CTNNA2: variants seen among roughly 807,000 people sequenced by gnomAD.
The protein encoded by CTNNA2 is catenin alpha-2.
A neutral mutation model predicts 101.0 loss-of-function variants in CTNNA2; 42 were observed. The observed-to-expected ratio is 0.42, with a 90% CI of 0.32 to 0.54. The LOEUF is 0.54. Among genes scored for constraint, CTNNA2 ranks in the 20% least tolerant of loss-of-function variants. CTNNA2 has a pLI of 0.14. For synonymous variants in CTNNA2, 450 were observed against 456.4 expected, an observed-to-expected ratio of 0.99 and a Z score of 0.18; for missense variants, 871 against 1,223.1, an observed-to-expected ratio of 0.71 and a Z score of 4.29.
chr2:79,586,684 A>G (rs981244148), intron 1 of CTNNA2, among the ~76,000 whole-genome samples: 5 of 151,960 alleles, frequency 3.3e-5, no homozygotes, highest in Non-Finnish European at 1.5e-5. Context: ...TTAAAATTTT[A>G]TTTCAACAGT....
chr2:79,916,008 C>T (rs1263105292), intron 7 of CTNNA2, among the ~76,000 whole-genome samples: 1 of 152,136 alleles, frequency 6.6e-6, no homozygotes, highest in Non-Finnish European at 1.5e-5. Flanking sequence ...CTGAGTAGCT[C>T]TTATTACTTA....
intron 8 of CTNNA2, among the ~76,000 whole-genome samples, chr2:80,398,582 TG>T (rs1194535804): frequency 8.6e-5 from 13 of 151,650 alleles, no homozygotes; most frequent in Admixed American, 8.6e-4. Context: ...AGGCTGGGCA[TG>T]GTGGCTCATG....
chr2:79,501,130 G>A (rs554070559), intron 4 of CTNNA2, among the ~76,000 whole-genome samples: 12 of 152,258 alleles, frequency 7.9e-5, no homozygotes, highest in Non-Finnish European at 1.3e-4. Context: ...ATTCAGTGAT[G>A]TGATTCTTGG....
intron 2 of CTNNA2, among the ~76,000 whole-genome samples, chr2:79,685,994 G>A (rs182183678): frequency 1.2e-4 from 18 of 152,180 alleles, no homozygotes; most frequent in African/African-American, 3.9e-4. Flanking sequence ...AAGATGAGAG[G>A]AGCTTTCCTA....
intron 7 of CTNNA2, among the ~76,000 whole-genome samples, chr2:80,344,641 C>T (rs1024692954): frequency 2.0e-5 from 3 of 152,234 alleles, no homozygotes; most frequent in South Asian, 2.1e-4. Context: ...TGCGCCACCA[C>T]GCCCAGCTAT....
In CTNNA2 at chr2:80,312,126, T is replaced by C. The variant is rs112258811; in HGVS notation, c.1057-81085T>C. On this transcript the variant is annotated intron_variant, in intron 7 of 18. Transcript: ENST00000402739. ...CAAAGAAATAGCATTCGAACATAAA[T>C]TTGATTCTCTCAGCAAGGCAGTTTT... Among the ~76,000 whole-genome samples, 173 of 152,320 alleles carry C rather than the reference T, an allele frequency of 1.1e-3. 1 individual carries two copies. The highest frequency in any genetic ancestry group is 3.9e-3 in the African/African-American group (164 of 41,578).
intron 9 of CTNNA2, among the ~76,000 whole-genome samples, chr2:80,530,133 G>T (rs1690405861): frequency 1.3e-5 from 2 of 152,108 alleles, no homozygotes; most frequent in South Asian, 2.1e-4. Flanking sequence ...AGGCAGCAGT[G>T]GTTACTCGAA....
intron 4 of CTNNA2, among the ~76,000 whole-genome samples, chr2:79,868,002 CGAGATTCTCTTTAAACTATAACAATG>C (rs1421543289): frequency 6.6e-6 from 1 of 152,104 alleles, no homozygotes; most frequent in Non-Finnish European, 1.5e-5. Context: ...ATCTGAGGTA[CGAGATTCTCTTTAAACTATAACAATG>C]TTTTAAAAGT....
At chr2:79,365,980 A>G (rs2104450919) in intron 3 of CTNNA2, among the ~76,000 whole-genome samples, 1 of 152,326 alleles carries the variant, frequency 6.6e-6, no homozygotes, top group East Asian at 1.9e-4. Flanking sequence ...GTTAATGTTC[A>G]GTTCATCCAC....
intron 7 of CTNNA2, among the ~76,000 whole-genome samples, chr2:80,247,149 T>C (rs1311365350): frequency 6.6e-6 from 1 of 152,116 alleles, no homozygotes; most frequent in African/African-American, 2.4e-5. Flanking sequence ...AGCTTTAAGA[T>C]CTTGATGACA....
intron 7 of CTNNA2, among the ~76,000 whole-genome samples, chr2:80,267,614 A>G (rs528318573): frequency 1.3e-5 from 2 of 152,308 alleles, no homozygotes; most frequent in East Asian, 3.9e-4. Context: ...ACAAGCTGGG[A>G]AGGAGACGAT....
rs1573816261 is a variant in CTNNA2, at chr2:79,731,518, C to T, written c.103-12869C>T. Among the ~76,000 whole-genome samples, 3 of 152,058 alleles carry T rather than the reference C, an allele frequency of 2.0e-5. No homozygotes were observed. In the South Asian group the frequency reaches 6.2e-4, roughly 32 times the overall value. On this transcript the variant is annotated intron_variant, in intron 2 of 18. Transcript: ENST00000402739. ...AAGGAGATGTGATAGCTTGTGGCTACCCACCAGAACTATTTGTGCTAGAGA... is the reference window on the plus strand; with the variant it reads ...AAGGAGATGTGATAGCTTGTGGCTATCCACCAGAACTATTTGTGCTAGAGA...
At chr2:79,849,772 G>T (rs1680523094) in intron 3 of CTNNA2, among the ~76,000 whole-genome samples, 1 of 152,116 alleles carries the variant, frequency 6.6e-6, no homozygotes, top group Non-Finnish European at 1.5e-5. Flanking sequence ...GTTCAAACAT[G>T]AAAAAGAAGA....
chr2:79,673,480 C>T (rs1252147001), intron 2 of CTNNA2, among the ~76,000 whole-genome samples: 1 of 152,094 alleles, frequency 6.6e-6, no homozygotes, highest in Non-Finnish European at 1.5e-5. Context: ...TAAAAGGCAG[C>T]AGGCAAGAAC....
intron 7 of CTNNA2, among the ~76,000 whole-genome samples, chr2:79,925,496 A>G (rs1454868392): frequency 1.3e-5 from 2 of 152,166 alleles, no homozygotes; most frequent in Non-Finnish European, 2.9e-5. Context: ...TAAAAATTTA[A>G]CACCCATTCA....
chr2:79,216,326 A>G (rs1456674971), intron 2 of CTNNA2, among the ~76,000 whole-genome samples: 3 of 46,906 alleles, frequency 6.4e-5, no homozygotes, highest in Non-Finnish European at 1.5e-4. Flanking sequence ...AGGCAAGCCT[A>G]GAGAAAAGAG....
chr2:80,036,406 A>C (rs1176127768), intron 7 of CTNNA2, among the ~76,000 whole-genome samples: 1 of 152,112 alleles, frequency 6.6e-6, no homozygotes, highest in Non-Finnish European at 1.5e-5. Flanking sequence ...CCATCCCTGC[A>C]ACATAGCAAT....
At chr2:80,213,682 T>A (rs1708057705) in intron 7 of CTNNA2, among the ~76,000 whole-genome samples, 2 of 152,236 alleles carry the variant, frequency 1.3e-5, no homozygotes, top group Non-Finnish European at 2.9e-5. Context: ...GAAAAGAATG[T>A]ATATTCTGCT....
At chr2:79,668,131 T>A (rs903583759) in intron 2 of CTNNA2, among the ~76,000 whole-genome samples, 3 of 150,134 alleles carry the variant, frequency 2.0e-5, no homozygotes, top group African/African-American at 7.3e-5. Context: ...TCCCAGCTAC[T>A]CGGGAGGCTG....
Sources: allele counts gnomAD v4.1 joint callset (sites outside exome capture counted in the v4.1 genomes callset), GRCh38; gene constraint gnomAD v4.1.1; transcripts MANE v1.5; gene names NCBI Gene and HGNC (gene_info 2026-07-23, HGNC 2026-07-21).